Variants in AK9 observed in about 807,000 individuals in gnomAD.
AK9 encodes the protein adenylate kinase 9.
Under a neutral mutation model 239.6 loss-of-function variants are expected in AK9, and 191 were observed. The observed-to-expected ratio is 0.80, with a 90% CI of 0.71 to 0.90. AK9 has a LOEUF of 0.90. Among genes scored for constraint, AK9 ranks in the 40% least tolerant of loss-of-function variants. The probability of loss-of-function intolerance (pLI) is 0.00; values close to 1 mark genes in which losing one functional copy is unlikely to be tolerated. For missense variants in AK9, 1,995 were observed against 2,214.7 expected (o/e 0.90, Z 1.99); for synonymous variants, 689 against 721.0 (o/e 0.96, Z 0.71).
rs1258006735 is a variant in AK9, at chr6:109,514,336, T to G, written c.4167A>C (p.Thr1389=). The G allele has an allele frequency of 6.4e-7, 1 of 1,551,300 alleles. No individual in the cohort carries two copies. Among genetic ancestry groups the G allele is most frequent in the African/African-American group, 1.4e-5 (1 of 73,040 alleles). ...TTGGGTTCTTCATAAATTTTTCTTT[T>G]GTTTCTTTACTAGATAAAAAATAAA... The part of the protein sequence containing the change: ...QYIYFLSSKE[T]KEKFMKNPIK... The change falls in exon 32 of 41, where the codon ACA becomes ACC. Residue 1389 remains threonine (T), a synonymous_variant. Transcript: ENST00000424296.
chr6:109,683,403 A>G (rs935613480), intron 1 of AK9, among the ~76,000 whole-genome samples: 6 of 152,218 alleles, frequency 3.9e-5, no homozygotes, highest in African/African-American at 1.4e-4. Context: ...GGCCAGGGCA[A>G]TCAGGCAAGA....
At chr6:109,510,242 G>C (rs1292026799) in intron 32 of AK9, among the ~76,000 whole-genome samples, 1 of 152,074 alleles carries the variant, frequency 6.6e-6, no homozygotes, top group Non-Finnish European at 1.5e-5. Context: ...AAAAGCCCTG[G>C]GCTCAGCCAG....
chr6:109,595,558 T>C (rs560281557), intron 17 of AK9, among the ~76,000 whole-genome samples: 1 of 152,362 alleles, frequency 6.6e-6, no homozygotes, highest in African/African-American at 2.4e-5. Flanking sequence ...ACATGTATGT[T>C]TATTGTGGCA....
chr6:109,495,673 ACTTT>A (rs1251800459), intron 38 of AK9, among the ~76,000 whole-genome samples: 1 of 152,000 alleles, frequency 6.6e-6, no homozygotes, highest in East Asian at 1.9e-4. Context: ...ATTATATAAA[ACTTT>A]CTTTATTTTC....
intron 39 of AK9, 106 bp from the exon 40 acceptor site, chr6:109,494,201 C>G: frequency 2.8e-6 from 2 of 713,458 alleles, no homozygotes; most frequent in Non-Finnish European, 4.7e-6. Context: ...TCAAATAGCC[C>G]CCTGGAGTGG....
chr6:109,638,572 T>C (rs1049972619), intron 10 of AK9, among the ~76,000 whole-genome samples: 4 of 152,170 alleles, frequency 2.6e-5, no homozygotes, highest in African/African-American at 9.7e-5. Flanking sequence ...CCTCAACCTC[T>C]AGGCTCAGCT....
chr6:109,593,561 C>CA (rs1001917100), intron 17 of AK9, among the ~76,000 whole-genome samples: 5 of 151,326 alleles, frequency 3.3e-5, no homozygotes, highest in Non-Finnish European at 2.9e-5. Flanking sequence ...GACGTAACAA[C>CA]AAAAAAAAAT....
chr6:109,494,213 G>C, intron 39 of AK9, 118 bp from the exon 40 acceptor site: 1 of 611,234 alleles, frequency 1.6e-6, no homozygotes, highest in Non-Finnish European at 2.9e-6. Flanking sequence ...CTGGAGTGGG[G>C]ATGGGGCTTA....
chr6:109,627,084 T>C (rs2128260942), intron 12 of AK9, among the ~76,000 whole-genome samples: 1 of 150,940 alleles, frequency 6.6e-6, no homozygotes, highest in Admixed American at 6.6e-5. Flanking sequence ...ATGTACAAAA[T>C]AGGTTCTTTG....
chr6:109,618,441 C>A (rs7381652), intron 13 of AK9, among the ~76,000 whole-genome samples: 69,411 of 132,562 alleles, frequency 0.52, 18,329 homozygotes, highest in East Asian at 0.76. Flanking sequence ...AAAAAAAAAA[C>A]AAAACGCTTT....
At chr6:109,584,332 T>G (rs1184181321) in intron 19 of AK9, among the ~76,000 whole-genome samples, 3 of 152,208 alleles carry the variant, frequency 2.0e-5, no homozygotes, top group South Asian at 2.1e-4. Context: ...AAACAGCATT[T>G]AAGAAAGCCA....
chr6:109,590,286 T>C (rs1790045123), intron 17 of AK9, among the ~76,000 whole-genome samples: 1 of 152,158 alleles, frequency 6.6e-6, no homozygotes, highest in African/African-American at 2.4e-5. Context: ...TTTCTTCTAG[T>C]TCATCTTGGG....
intron 29 of AK9, among the ~76,000 whole-genome samples, chr6:109,517,956 A>G (rs1779434978): frequency 6.6e-6 from 1 of 152,102 alleles, no homozygotes; most frequent in African/African-American, 2.4e-5. Flanking sequence ...CTAGACTCCC[A>G]GGATGAGAGT....
chr6:109,646,334 G>T (rs1442160942), intron 8 of AK9, among the ~76,000 whole-genome samples: 2 of 152,178 alleles, frequency 1.3e-5, no homozygotes, highest in Admixed American at 1.3e-4. Context: ...TGCAAGGAAG[G>T]TAAAAACCTT....
chr6:109,599,151 T>C (rs1056244814), intron 17 of AK9, among the ~76,000 whole-genome samples: 3 of 152,254 alleles, frequency 2.0e-5, no homozygotes, highest in Non-Finnish European at 2.9e-5. Context: ...TCCTTGCCTA[T>C]TCCTATGCCC....
At chr6:109,563,998 T>A in intron 23 of AK9, 82 bp downstream of exon 23, 1 of 1,330,876 alleles carries the variant, frequency 7.5e-7, no homozygotes, top group Non-Finnish European at 1.0e-6. Context: ...TCATAAACCA[T>A]CAAAGAAGGC....
rs116875200 is a variant in AK9 at position 109,642,791 on chromosome 6, G to A, written c.835-1175C>T. Among the ~76,000 whole-genome samples, 754 of 152,250 alleles carry A rather than the reference G, an allele frequency of 5.0e-3. 14 individuals carry two copies. Among genetic ancestry groups the A allele is most frequent in the East Asian group, 0.013 (67 of 5,182 alleles). ...GGGAGAAGCACATTGGGGGCAGGGTGGTGGTGGTGAAGTTCTATCTTGCAC... is the reference window on the plus strand; with the variant it reads ...GGGAGAAGCACATTGGGGGCAGGGTAGTGGTGGTGAAGTTCTATCTTGCAC... On this transcript the variant is annotated intron_variant, in intron 9 of 40. Coordinates refer to ENST00000424296, the MANE Select transcript of AK9 (RefSeq NM_001145128.3).
chr6:109,608,278 CAAAAA>C (rs568305228), intron 17 of AK9, among the ~76,000 whole-genome samples: 1 of 54,738 alleles, frequency 1.8e-5, no homozygotes, highest in African/African-American at 6.8e-5. Context: ...GACTCTGGCT[CAAAAA>C]AAAAAAAAAA....
intron 17 of AK9, among the ~76,000 whole-genome samples, chr6:109,601,036 T>G (rs1422003207): frequency 6.6e-6 from 1 of 152,214 alleles, no homozygotes; most frequent in Non-Finnish European, 1.5e-5. Flanking sequence ...AGCTCCTGGA[T>G]TCACTGATTT....
Sources: allele counts gnomAD v4.1 joint callset (sites outside exome capture counted in the v4.1 genomes callset), GRCh38; gene constraint gnomAD v4.1.1; transcripts MANE v1.5; gene names NCBI Gene and HGNC (gene_info 2026-07-23, HGNC 2026-07-21).